Variants in KIF20B observed in about 807,000 individuals in gnomAD.
KIF20B encodes the protein kinesin-like protein KIF20B.
KIF20B carries 188 observed loss-of-function variants against 232.5 expected under a neutral mutation model. The observed-to-expected ratio is 0.81, with a 90% confidence interval of 0.72 to 0.91. KIF20B has a LOEUF of 0.91. KIF20B is among the 40% of genes least tolerant of loss of function. The pLI, the probability that KIF20B is intolerant of heterozygous loss-of-function variation, is 0.00. For missense variants in KIF20B, 2,154 were observed against 2,055.9 expected (o/e 1.05, Z -0.92); for synonymous variants, 712 against 683.0 (o/e 1.04, Z -0.66).
chr10:89,717,312 G>A (rs1168954513), intron 9 of KIF20B, 112 bp from the exon 10 acceptor site: 2 of 650,074 alleles, frequency 3.1e-6, no homozygotes, highest in East Asian at 5.6e-5. Context: ...AAATGCAATG[G>A]TGGACTGTAG....
rs780243396 is a variant in KIF20B, at chr10:89,729,195, T to C, written c.2339T>C (p.Ile780Thr). 4.0e-6 allele frequency: 6 copies of C among 1,489,398 alleles called. No homozygotes were observed. Among genetic ancestry groups the C allele is most frequent in the Admixed American group, 4.6e-5 (2 of 43,152 alleles). 92.3% of individuals were successfully genotyped at this position (1,489,398 alleles called of 1,614,324 possible). A position where few individuals can be genotyped will look rare whatever the true frequency, so the allele number is the denominator to read the frequency against. ...ATAATTGATCAAAAAGAAGATACTA[T>C]CAACGAATTTCAGAACCTAAAGTCT... ...INIIDQKEDTINEFQNLKSHM... is the reference protein window; with the variant it reads ...INIIDQKEDTTNEFQNLKSHM... The change falls in exon 18 of 33, where the codon ATC becomes ACC. Residue 780 changes from isoleucine (I) to threonine (T), a missense_variant. Coordinates refer to ENST00000371728, the MANE Select transcript of KIF20B (RefSeq NM_001284259.2).
At chr10:89,750,883 G>A (rs529378091) in intron 23 of KIF20B, among the ~76,000 whole-genome samples, 13 of 152,062 alleles carry the variant, frequency 8.5e-5, no homozygotes, top group African/African-American at 2.7e-4. Context: ...ACTACTTGAT[G>A]TTAAAAAAAA....
At position 89,709,917 on chromosome 10, in the gene KIF20B, G is replaced by C; in HGVS notation, c.352-10G>C. The C allele has an allele frequency of 2.6e-6, 4 of 1,559,652 alleles. No individual in the cohort carries two copies. Among genetic ancestry groups the C allele is most frequent in the Non-Finnish European group, 3.5e-6 (4 of 1,158,172 alleles). ...TTTCTAAAAAGAGTTTTTAAAAAAT[G>C]TTTGCTTAGGTTTTTGGCCCAGCAA... On this transcript the variant is annotated splice_polypyrimidine_tract_variant and intron_variant, in intron 4 of 32. Coordinates refer to ENST00000371728, the MANE Select transcript of KIF20B (RefSeq NM_001284259.2).
chr10:89,709,441 C>A lies in KIF20B; in HGVS notation c.331C>A (p.Gln111Lys), dbSNP rs752634082. ...TGAAAAAAGCTCAGGGCAGATGGCA[C>A]AGAAATTCAGTTTTTCCAAGGTAAA... Reference protein sequence around the residue: ...LSEKSSGQMAQKFSFSKVFGP... With the variant: ...LSEKSSGQMAKKFSFSKVFGP... The change falls in exon 4 of 33, where the codon CAG becomes AAG. Residue 111 changes from glutamine to lysine, a missense_variant. Gln to Lys is a moderately conservative substitution (Grantham distance 53). Coordinates refer to ENST00000371728, the MANE Select transcript of KIF20B (RefSeq NM_001284259.2). 1 of 1,611,034 alleles carries A rather than the reference C, an allele frequency of 6.2e-7. No homozygotes were observed. Among genetic ancestry groups the A allele is most frequent in the Admixed American group, 1.7e-5 (1 of 59,758 alleles).
chr10:89,719,239 A>G (rs986247767), intron 12 of KIF20B, among the ~76,000 whole-genome samples, 180 bp from the exon 13 acceptor site: 2 of 152,176 alleles, frequency 1.3e-5, no homozygotes, highest in African/African-American at 4.8e-5. Flanking sequence ...TACATGTGTA[A>G]GTAGCTTTTT....
In KIF20B at chr10:89,738,263, A is replaced by G. The variant is rs144843486; in HGVS notation, c.3422A>G (p.His1141Arg). ...KNVTLDVQIQ[H>R]VVEGKRALSE... The stretch of plus-strand genomic sequence containing the variant: ...GTTACTCTTGATGTTCAAATACAGC[A>G]TGTAGTTGAAGGAAAGAGAGCGCTT... Residue 1141 changes from histidine to arginine, a missense_variant, in exon 20 of 33, where the codon CAT (histidine) becomes CGT (arginine). Transcript: ENST00000371728. 4 of 1,610,138 alleles carry G rather than the reference A, an allele frequency of 2.5e-6. No individual in the cohort carries two copies. In the African/African-American group the frequency reaches 5.4e-5, roughly 22 times the overall value.
At chr10:89,740,372 G>A (rs1234834023) in intron 21 of KIF20B, among the ~76,000 whole-genome samples, 1 of 151,972 alleles carries the variant, frequency 6.6e-6, no homozygotes, top group East Asian at 1.9e-4. Flanking sequence ...GACAGAGGGT[G>A]GTGCAGAGCT....
intron 22 of KIF20B, among the ~76,000 whole-genome samples, chr10:89,744,591 AAG>A (rs1247438944): frequency 3.3e-5 from 5 of 152,332 alleles, no homozygotes; most frequent in African/African-American, 1.2e-4. Flanking sequence ...AAAAAACAAA[AAG>A]AGTTGAGGTC....
chr10:89,770,658 T>G (rs566751183), intron 31 of KIF20B, among the ~76,000 whole-genome samples: 1 of 152,082 alleles, frequency 6.6e-6, no homozygotes, highest in African/African-American at 2.4e-5. Flanking sequence ...ATATAAGATA[T>G]CCCTATTTTG....
At position 89,726,333 on chromosome 10, in the gene KIF20B, C is replaced by A. The variant is rs1314304144; in HGVS notation, c.2042C>A (p.Ser681Tyr). The change falls in exon 16 of 33, where the codon TCT (serine) becomes TAT (tyrosine). Residue 681 changes from serine to tyrosine, a missense_variant. By Grantham distance (144) the Ser-to-Tyr change is moderately radical. Transcript: ENST00000371728. ...GTAGGATTTGAAGATATTATTGATTCTCTTCAAGATAATGTTGCTGATATT... is the reference window on the plus strand; with the variant it reads ...GTAGGATTTGAAGATATTATTGATTATCTTCAAGATAATGTTGCTGATATT... ...NYVGFEDIID[S>Y]LQDNVADIKK... 6.4e-7 allele frequency: 1 copy of A among 1,550,522 alleles called. No individual in the cohort carries two copies. The highest frequency in any genetic ancestry group is 2.0e-5 in the Admixed American group (1 of 50,886).
intron 28 of KIF20B, among the ~76,000 whole-genome samples, 179 bp from the exon 29 acceptor site, chr10:89,762,459 C>G (rs528679462): frequency 2.0e-5 from 3 of 152,200 alleles, no homozygotes; most frequent in African/African-American, 4.8e-5. Context: ...TTTAACATAC[C>G]ATGTGTGAGC....
chr10:89,726,554 T>C (rs756530911), intron 16 of KIF20B, 33 bp downstream of exon 16: 7 of 1,474,248 alleles, frequency 4.7e-6, no homozygotes, highest in African/African-American at 2.9e-5. Context: ...TATTTAGATA[T>C]TGTAAACACA....
At chr10:89,751,890 A>C (rs1446604010) in intron 24 of KIF20B, among the ~76,000 whole-genome samples, 1 of 152,012 alleles carries the variant, frequency 6.6e-6, no homozygotes, top group Non-Finnish European at 1.5e-5. Flanking sequence ...TATAACATTT[A>C]CTAATAAAAA....
chr10:89,716,418 C>G lies in KIF20B; in HGVS notation c.941-18C>G. On this transcript the variant is annotated intron_variant, in intron 8 of 32. Coordinates refer to ENST00000371728, the MANE Select transcript of KIF20B (RefSeq NM_001284259.2). ...TTTGTCTCAATAAATTAATATATATCCTCTTTATTTTTTAAAGATCTACAA... is the reference window on the plus strand; with the variant it reads ...TTTGTCTCAATAAATTAATATATATGCTCTTTATTTTTTAAAGATCTACAA... 9.8e-7 allele frequency: 1 copy of G among 1,022,280 alleles called. No individual in the cohort carries two copies. The highest frequency in any genetic ancestry group is 1.5e-6 in the Non-Finnish European group (1 of 674,980). The allele number at this position is 1,022,280 out of a possible 1,614,324, so 63.3% of individuals were successfully genotyped here.
intron 23 of KIF20B, among the ~76,000 whole-genome samples, chr10:89,747,799 G>T (rs1029573946): frequency 3.9e-5 from 6 of 151,998 alleles, no homozygotes; most frequent in African/African-American, 9.7e-5. Flanking sequence ...TGACGAGTTA[G>T]TGGGTGCAGC....
chr10:89,757,209 A>G (rs1270915297), intron 26 of KIF20B, among the ~76,000 whole-genome samples: 1 of 151,650 alleles, frequency 6.6e-6, no homozygotes. Context: ...AAGGTATGGT[A>G]TTGTCAGTCA....
At chr10:89,773,173 G>T (rs1039097169) in intron 32 of KIF20B, among the ~76,000 whole-genome samples, 1 of 151,588 alleles carries the variant, frequency 6.6e-6, no homozygotes, top group African/African-American at 2.4e-5. Context: ...AGTGTTCCTG[G>T]TAAAAATATA....
At chr10:89,768,534 T>C (rs1411589310) in intron 30 of KIF20B, 143 bp downstream of exon 30, 1 of 716,842 alleles carries the variant, frequency 1.4e-6, no homozygotes, top group East Asian at 2.7e-5. Context: ...GCATCTACTT[T>C]ATGTGTTTAC....
intron 21 of KIF20B, 127 bp downstream of exon 21, chr10:89,739,223 C>T: frequency 2.0e-6 from 2 of 1,007,366 alleles, no homozygotes; most frequent in Non-Finnish European, 2.8e-6. Flanking sequence ...CTTAAAATTA[C>T]AAGAACAGTT....
Sources: allele counts gnomAD v4.1 joint callset (sites outside exome capture counted in the v4.1 genomes callset), GRCh38; gene constraint gnomAD v4.1.1; transcripts MANE v1.5; gene names NCBI Gene and HGNC (gene_info 2026-07-23, HGNC 2026-07-21).